Variants in MAST4 observed in about 807,000 individuals in gnomAD.
MAST4 encodes the protein microtubule associated serine/threonine kinase family member 4.
In MAST4, 89 loss-of-function variants were observed where a neutral mutation model predicts 162.7. That is an observed-to-expected ratio of 0.55 (90% CI 0.46 to 0.65). MAST4 has a LOEUF of 0.65. Ranked by LOEUF, MAST4 falls within the 30% of genes least tolerant of loss-of-function variation. The probability of loss-of-function intolerance (pLI) is 0.00; values close to 1 mark genes in which losing one functional copy is unlikely to be tolerated. For synonymous variants in MAST4, 1,479 were observed against 1,361.1 expected, an observed-to-expected ratio of 1.09 and a Z score of -1.91; for missense variants, 3,153 against 3,374.0, an observed-to-expected ratio of 0.93 and a Z score of 1.62.
chr5:66,852,954 T>C (rs368521061), intron 3 of MAST4, among the ~76,000 whole-genome samples: 2 of 152,314 alleles, frequency 1.3e-5, no homozygotes, highest in African/African-American at 4.8e-5. Context: ...AATGACATAC[T>C]CTTCTCAACA....
intron 1 of MAST4, among the ~76,000 whole-genome samples, chr5:66,740,541 GT>G (rs1249844714): frequency 1.3e-5 from 2 of 152,180 alleles, no homozygotes; most frequent in African/African-American, 4.8e-5. Context: ...GCAAATGTTT[GT>G]TCCGTTTCTC....
At chr5:66,621,020 T>C (rs963425095) in intron 1 of MAST4, among the ~76,000 whole-genome samples, 2 of 152,068 alleles carry the variant, frequency 1.3e-5, no homozygotes, top group African/African-American at 2.4e-5. Context: ...GTTTTTTTTT[T>C]CCCTGAATTC....
At position 67,107,021 on chromosome 5, in the gene MAST4, A is replaced by G. The variant is rs1170101005; in HGVS notation, c.1356+2446A>G. ...TGCTGGAAACACTATGCATATTACT[A>G]TTTATGAGAATATTTTGAAAGTTAT... On this transcript the variant is annotated intron_variant, in intron 10 of 28. Coordinates refer to ENST00000403625, the MANE Select transcript of MAST4 (RefSeq NM_001164664.2). Among the ~76,000 whole-genome samples the G allele has an allele frequency of 3.3e-5, 5 of 152,196 alleles. 1 individual carries two copies. Among genetic ancestry groups the G allele is most frequent in the Admixed American group, 2.0e-4 (3 of 15,278 alleles).
At chr5:66,968,863 G>C (rs1182830818) in intron 4 of MAST4, among the ~76,000 whole-genome samples, 1 of 152,156 alleles carries the variant, frequency 6.6e-6, no homozygotes, top group South Asian at 2.1e-4. Context: ...TATATTAACA[G>C]ATATGCCTAG....
chr5:67,138,332 A>G (rs980306053), intron 19 of MAST4, among the ~76,000 whole-genome samples: 18 of 152,232 alleles, frequency 1.2e-4, no homozygotes, highest in Admixed American at 1.0e-3. Context: ...TCATAAACTG[A>G]CATGATTTTT....
chr5:66,754,549 T>C (rs775259002), intron 1 of MAST4, among the ~76,000 whole-genome samples: 8 of 152,248 alleles, frequency 5.3e-5, no homozygotes, highest in Non-Finnish European at 1.0e-4. Flanking sequence ...TTTCTATTTT[T>C]TTCCTGTTAT....
At chr5:66,821,921 G>A (rs565923537) in intron 3 of MAST4, among the ~76,000 whole-genome samples, 10 of 152,276 alleles carry the variant, frequency 6.6e-5, no homozygotes, top group African/African-American at 1.2e-4. Flanking sequence ...AGGACTGTGG[G>A]TTCAGTAGGG....
At chr5:66,642,453 G>A (rs1036995654) in intron 1 of MAST4, among the ~76,000 whole-genome samples, 1 of 152,160 alleles carries the variant, frequency 6.6e-6, no homozygotes, top group Admixed American at 6.5e-5. Context: ...ACAATGACTG[G>A]ATATTTGATA....
chr5:66,769,305 G>A (rs570147173), intron 2 of MAST4, among the ~76,000 whole-genome samples: 36 of 152,224 alleles, frequency 2.4e-4, no homozygotes, highest in African/African-American at 7.7e-4. Context: ...TCTGGGGCTC[G>A]AGCCAAAGCC....
chr5:66,948,510 C>T (rs948392478), intron 4 of MAST4, among the ~76,000 whole-genome samples: 2 of 152,114 alleles, frequency 1.3e-5, no homozygotes, highest in Non-Finnish European at 2.9e-5. Context: ...AGGTAGGGCA[C>T]AGCAAAGTCC....
intron 1 of MAST4, chr5:66,662,257 T>C (rs1746963122): frequency 6.6e-6 from 1 of 152,164 alleles, no homozygotes; most frequent in Non-Finnish European, 1.5e-5. Context: ...TGGACTATTC[T>C]TATTGCCCTT....
chr5:66,867,358 G>C (rs1376953955), intron 3 of MAST4, among the ~76,000 whole-genome samples: 2 of 152,112 alleles, frequency 1.3e-5, no homozygotes, highest in South Asian at 4.1e-4. Flanking sequence ...GTTTTCCATA[G>C]AGCATTCTTG....
At chr5:66,850,403 C>T (rs1759217978) in intron 3 of MAST4, among the ~76,000 whole-genome samples, 2 of 152,210 alleles carry the variant, frequency 1.3e-5, no homozygotes, top group South Asian at 4.1e-4. Flanking sequence ...TGTCTGTCTA[C>T]ACGTAGCCGA....
chr5:66,702,104 A>G lies in MAST4; in HGVS notation c.364-57605A>G, dbSNP rs140485211. On this transcript the variant is annotated intron_variant, in intron 1 of 28. Coordinates refer to ENST00000403625, the MANE Select transcript of MAST4 (RefSeq NM_001164664.2). ...GACTTTGAAGTTTCATGATAGAAAA[A>G]GTCTATAATGTTGATTGGCTCCTTG... 7.8e-4 allele frequency among the ~76,000 whole-genome samples: 119 copies of G among 152,260 alleles called. 1 individual carries two copies. Among genetic ancestry groups the G allele is most frequent in the African/African-American group, 2.8e-3 (115 of 41,548 alleles).
chr5:67,158,157 A>G (rs1236837283), intron 26 of MAST4, among the ~76,000 whole-genome samples: 1 of 152,066 alleles, frequency 6.6e-6, no homozygotes, highest in African/African-American at 2.4e-5. Context: ...AGAAGACCCC[A>G]CTCCAAAAAA....
chr5:67,077,486 ACCTGGAGTACTG>A (rs1488862010), intron 5 of MAST4, among the ~76,000 whole-genome samples: 1 of 152,182 alleles, frequency 6.6e-6, no homozygotes, highest in Non-Finnish European at 1.5e-5. Context: ...GTGACGAATC[ACCTGGAGTACTG>A]CCCTAAAGAG....
intron 1 of MAST4, among the ~76,000 whole-genome samples, chr5:66,703,000 C>T (rs1749878262): frequency 6.6e-6 from 1 of 152,092 alleles, no homozygotes; most frequent in Non-Finnish European, 1.5e-5. Context: ...CCAGATGGGA[C>T]CAGAACCTGG....
chr5:67,116,517 T>A (rs1216657768), intron 12 of MAST4, among the ~76,000 whole-genome samples: 1 of 151,874 alleles, frequency 6.6e-6, no homozygotes, highest in Non-Finnish European at 1.5e-5. Context: ...TGAGGCTAGT[T>A]TTTAATCTAT....
chr5:66,794,345 GTGGGGCTAA>G (rs1755551036), intron 3 of MAST4, among the ~76,000 whole-genome samples: 1 of 152,196 alleles, frequency 6.6e-6, no homozygotes. Flanking sequence ...CCTTTGTGTA[GTGGGGCTAA>G]TGGTTGTAAT....
Sources: allele counts gnomAD v4.1 joint callset (sites outside exome capture counted in the v4.1 genomes callset), GRCh38; gene constraint gnomAD v4.1.1; transcripts MANE v1.5; gene names NCBI Gene and HGNC (gene_info 2026-07-23, HGNC 2026-07-21).